The following PDGFA variants were observed in gnomAD, a reference collection of about 807,000 sequenced individuals.
PDGFA encodes the protein platelet derived growth factor subunit A.
In PDGFA, 9 loss-of-function variants were observed where a neutral mutation model predicts 25.6. The observed-to-expected ratio is 0.35, with a 90% CI of 0.21 to 0.61. The LOEUF (loss-of-function observed/expected upper bound fraction) is 0.61, where lower values mean the gene tolerates loss of function less well. PDGFA is among the 20% of genes least tolerant of loss of function. The pLI is 0.75. For synonymous variants in PDGFA, 133 were observed against 111.8 expected (o/e 1.19, Z -1.20); for missense variants, 242 against 272.8 (o/e 0.89, Z 0.79).
In PDGFA at chr7:500,985, C is replaced by A; in HGVS notation, c.580+131G>T. 1 of 1,600,772 alleles carries A rather than the reference C, an allele frequency of 6.2e-7. No individual in the cohort carries two copies. Among genetic ancestry groups the A allele is most frequent in the South Asian group, 1.1e-5 (1 of 90,280 alleles). On this transcript the variant is annotated intron_variant, in intron 5 of 5. Coordinates refer to ENST00000402802, the Ensembl canonical transcript of PDGFA. This position sits in a 1 kb window ranked among gnomAD's most constrained non-coding sequence, Gnocchi z 5.0. The stretch of plus-strand genomic sequence containing the variant: ...GGCATCTGGCCCGGGAGCAGGGCAA[C>A]GAATCCTTCAACAGCAGCCCAGATG...
At chr7:519,230 G>A in exon 1 of PDGFA, 1 of 393,210 alleles carries the variant, frequency 2.5e-6, no homozygotes, top group Non-Finnish European at 4.5e-6. Context: ...CGCGCCCGCA[G>A]CGCGGGGAGC....
chr7:505,505 C>A (rs936687482), intron 4 of PDGFA, among the ~76,000 whole-genome samples: 1 of 152,204 alleles, frequency 6.6e-6, no homozygotes, highest in East Asian at 1.9e-4. Flanking sequence ...GGGCTTGGGA[C>A]AGCCACTCCC....
At chr7:507,163 C>T (rs1275276606) in intron 4 of PDGFA, among the ~76,000 whole-genome samples, 1 of 152,238 alleles carries the variant, frequency 6.6e-6, no homozygotes, top group African/African-American at 2.4e-5. Flanking sequence ...TCAGCCAAAG[C>T]CCCCTGGGTC....
At chr7:499,699 C>T (rs1171189272) in intron 5 of PDGFA, among the ~76,000 whole-genome samples, 1 of 94,648 alleles carries the variant, frequency 1.1e-5, no homozygotes, top group East Asian at 3.0e-4. Flanking sequence ...GGATAGCTCT[C>T]TAAGGGTGTT....
In PDGFA at chr7:500,948, G is replaced by T. The variant is rs376043670; in HGVS notation, c.580+168C>A. On this transcript the variant is annotated intron_variant, in intron 5 of 5. Coordinates refer to ENST00000402802, the Ensembl canonical transcript of PDGFA. This position sits in a 1 kb window ranked among gnomAD's most constrained non-coding sequence, Gnocchi z 5.0. ...CCGGACACCTGCAGGTGTGGGATCC[G>T]TCTCCCCCGCAGGCATCTGGCCCGG... The T allele has an allele frequency of 6.3e-7, 1 of 1,593,522 alleles. No homozygotes were observed. The highest frequency in any genetic ancestry group is 1.7e-5 in the Admixed American group (1 of 59,408).
At chr7:501,209 T>C (rs1455190067) in exon 5 of PDGFA, 1 of 1,614,216 alleles carries the variant, frequency 6.2e-7, no homozygotes, top group Admixed American at 1.7e-5. Context: ...TCTTTTAATT[T>C]TGGCTTCTTC....
intron 2 of PDGFA, among the ~76,000 whole-genome samples, chr7:516,292 G>A (rs1463007261): frequency 6.6e-6 from 1 of 151,450 alleles, no homozygotes; most frequent in Non-Finnish European, 1.5e-5. Flanking sequence ...TTAGAAAATG[G>A]TTTTGGCATG....
chr7:499,222 CCACCCA>C (rs1782217940), intron 5 of PDGFA, among the ~76,000 whole-genome samples: 1 of 152,202 alleles, frequency 6.6e-6, no homozygotes, highest in African/African-American at 2.4e-5. Flanking sequence ...AGGCACAAAA[CCACCCA>C]CCAGGCCACA....
chr7:500,363 G>A lies in PDGFA; in HGVS notation c.580+753C>T, dbSNP rs1782272077. On this transcript the variant is annotated intron_variant, in intron 5 of 5. Coordinates refer to ENST00000402802, the Ensembl canonical transcript of PDGFA. This position sits in a 1 kb window ranked among gnomAD's most constrained non-coding sequence, Gnocchi z 5.0. Reference sequence around the variant, plus strand: ...CCCGGCGAGACAGGAAGCGTGATTTGCTGGTGTGATCAGTCAGTTGCACCT... The same window carrying A: ...CCCGGCGAGACAGGAAGCGTGATTTACTGGTGTGATCAGTCAGTTGCACCT... The A allele has an allele frequency of 6.5e-7, 1 of 1,531,530 alleles. No individual in the cohort carries two copies. Among genetic ancestry groups the A allele is most frequent in the Non-Finnish European group, 9.0e-7 (1 of 1,105,872 alleles). The allele number at this position is 1,531,530 out of a possible 1,614,324, so 94.9% of individuals were successfully genotyped here.
At position 517,062 on chromosome 7, in the gene PDGFA, G is replaced by C. The variant is rs1182220696; in HGVS notation, c.160+332C>G. On this transcript the variant is annotated intron_variant, in intron 2 of 5. Transcript: ENST00000402802. This position sits in a 1 kb window ranked among gnomAD's most constrained non-coding sequence, Gnocchi z 7.4. ...GCCAGGGCTCTGCGCCCAGGGTCTG[G>C]GCCGGATCCTGCCGCTCCCCCGGCC... Among the ~76,000 whole-genome samples, 1 of 151,246 alleles carries C rather than the reference G, an allele frequency of 6.6e-6. No homozygotes were observed. The highest frequency in any genetic ancestry group is 1.5e-5 in the Non-Finnish European group (1 of 67,732).
chr7:499,357 TC>T (rs1329651506), intron 5 of PDGFA, among the ~76,000 whole-genome samples: 1 of 152,194 alleles, frequency 6.6e-6, no homozygotes, highest in Non-Finnish European at 1.5e-5. Context: ...CAGGCCCAAG[TC>T]CCACATTGCA....
chr7:510,235 G>T (rs1418938507), intron 4 of PDGFA, among the ~76,000 whole-genome samples: 2 of 152,068 alleles, frequency 1.3e-5, no homozygotes, highest in East Asian at 3.9e-4. Context: ...AGAAGCCCCG[G>T]CCGGCCCTGC....
At chr7:508,559 C>CCAAAAAAAAAA (rs1782664931) in intron 4 of PDGFA, among the ~76,000 whole-genome samples, 1 of 35,664 alleles carries the variant, frequency 2.8e-5, no homozygotes, top group Non-Finnish European at 4.9e-5. Context: ...GAAGCTGTCC[C>CCAAAAAAAAAA]AAAAAAAAAA....
Position 517,334 on chromosome 7 carries a change from G to C in PDGFA, c.160+60C>G. 1.3e-6 allele frequency: 1 copy of C among 749,388 alleles called. No homozygotes were observed. The highest frequency in any genetic ancestry group is 1.9e-6 in the Non-Finnish European group (1 of 537,596). 46.4% of individuals were successfully genotyped at this position (749,388 alleles called of 1,614,324 possible). ...CGGCGCCCCGCCCGGCCCCAGCTCGGGGCGCACAGGCCGCCCGCCCGCGCC... is the reference window on the plus strand; with the variant it reads ...CGGCGCCCCGCCCGGCCCCAGCTCGCGGCGCACAGGCCGCCCGCCCGCGCC... On this transcript the variant is annotated intron_variant, in intron 2 of 5. Transcript: ENST00000402802. The surrounding 1 kb of genome is among the most constrained non-coding windows in gnomAD (Gnocchi z 7.4).
In PDGFA at chr7:500,924, C is replaced by A; in HGVS notation, c.580+192G>T. ...CCGCAGCTTGGGCCACCCTCCCCAC[C>A]GGACACCTGCAGGTGTGGGATCCGT... On this transcript the variant is annotated intron_variant, in intron 5 of 5. Transcript: ENST00000402802. The surrounding 1 kb of genome is among the most constrained non-coding windows in gnomAD (Gnocchi z 5.0). 2 of 1,588,670 alleles carry A rather than the reference C, an allele frequency of 1.3e-6. No homozygotes were observed. The highest frequency in any genetic ancestry group is 1.7e-6 in the Non-Finnish European group (2 of 1,174,738).
chr7:502,015 AGG>A (rs1380738455), intron 4 of PDGFA, among the ~76,000 whole-genome samples: 4 of 152,236 alleles, frequency 2.6e-5, no homozygotes, highest in Admixed American at 2.6e-4. Context: ...ACTTAACTCC[AGG>A]GGTTCAAGAC....
chr7:505,426 C>T (rs1338180336), intron 4 of PDGFA, among the ~76,000 whole-genome samples: 1 of 152,226 alleles, frequency 6.6e-6, no homozygotes, highest in Non-Finnish European at 1.5e-5. Flanking sequence ...GATGCCGTCA[C>T]CCCTCTAGAC....
At chr7:508,071 A>G (rs192766691) in intron 4 of PDGFA, among the ~76,000 whole-genome samples, 4 of 152,240 alleles carry the variant, frequency 2.6e-5, no homozygotes, top group African/African-American at 7.2e-5. Context: ...AGAGGCCAAG[A>G]TAAGTCCCAG....
chr7:508,024 T>C (rs1782637148), intron 4 of PDGFA, among the ~76,000 whole-genome samples: 1 of 152,082 alleles, frequency 6.6e-6, no homozygotes, highest in African/African-American at 2.4e-5. Flanking sequence ...TGGAATCTGC[T>C]TACTCAATAC....
Sources: allele counts gnomAD v4.1 joint callset (sites outside exome capture counted in the v4.1 genomes callset), GRCh38; gene constraint gnomAD v4.1.1; non-coding constraint Gnocchi (gnomAD v3.1); transcripts MANE v1.5; gene names NCBI Gene and HGNC (gene_info 2026-07-23, HGNC 2026-07-21).